The following MGAT4C variants were observed in gnomAD, a reference collection of about 807,000 sequenced individuals.
The protein encoded by MGAT4C is alpha-1,3-mannosyl-glycoprotein 4-beta-N-acetylglucosaminyltransferase C.
In MGAT4C, 19 loss-of-function variants were observed where a neutral mutation model predicts 40.1. The observed-to-expected ratio is 0.47, with a 90% CI of 0.33 to 0.70. The LOEUF (loss-of-function observed/expected upper bound fraction) is 0.70, where lower values mean the gene tolerates loss of function less well. MGAT4C is among the 30% of genes least tolerant of loss of function. MGAT4C has a pLI of 0.02. For synonymous variants in MGAT4C, 181 were observed against 187.1 expected (o/e 0.97, Z 0.27); for missense variants, 491 against 563.2 (o/e 0.87, Z 1.30).
intron 2 of MGAT4C, among the ~76,000 whole-genome samples, chr12:86,715,653 T>C (rs928634364): frequency 6.6e-6 from 1 of 152,182 alleles, no homozygotes; most frequent in Non-Finnish European, 1.5e-5. Flanking sequence ...TTAAGCATTA[T>C]TCTTGTGCTC....
chr12:86,029,347 A>G (rs997840904), intron 2 of MGAT4C, among the ~76,000 whole-genome samples: 1 of 151,928 alleles, frequency 6.6e-6, no homozygotes, highest in Non-Finnish European at 1.5e-5. Context: ...AAAAACTGTA[A>G]CAGAAAGGTT....
intron 1 of MGAT4C, among the ~76,000 whole-genome samples, chr12:86,178,158 G>A (rs572385859): frequency 6.6e-5 from 10 of 152,134 alleles, no homozygotes; most frequent in Middle Eastern, 3.2e-3. Flanking sequence ...GGATGGTCTT[G>A]ATCTCCTGAC....
At chr12:86,724,580 C>A (rs373176337) in intron 2 of MGAT4C, among the ~76,000 whole-genome samples, 7 of 152,098 alleles carry the variant, frequency 4.6e-5, no homozygotes, top group African/African-American at 1.7e-4. Context: ...ACCTGAGCTT[C>A]TACATAATAG....
At chr12:85,998,841 A>C (rs1886951812) in intron 2 of MGAT4C, among the ~76,000 whole-genome samples, 1 of 152,134 alleles carries the variant, frequency 6.6e-6, no homozygotes, top group South Asian at 2.1e-4. Flanking sequence ...AAACTGTTCC[A>C]ACCCCTGCCT....
At chr12:86,062,125 C>A (rs1894044695) in intron 1 of MGAT4C, among the ~76,000 whole-genome samples, 1 of 151,684 alleles carries the variant, frequency 6.6e-6, no homozygotes, top group African/African-American at 2.4e-5. Flanking sequence ...TATAGTAGAG[C>A]TCTGGCTGGC....
intron 2 of MGAT4C, among the ~76,000 whole-genome samples, chr12:86,609,791 G>A (rs1333659915): frequency 5.5e-5 from 8 of 146,280 alleles, no homozygotes; most frequent in African/African-American, 7.5e-5. Context: ...GGCACTACCA[G>A]AAAAAAAAAA....
At chr12:86,586,160 C>A (rs1961030054) in intron 2 of MGAT4C, among the ~76,000 whole-genome samples, 1 of 136,248 alleles carries the variant, frequency 7.3e-6, no homozygotes, top group Non-Finnish European at 1.6e-5. Flanking sequence ...TCCATGTGTT[C>A]TCATTGTTTA....
intron 1 of MGAT4C, among the ~76,000 whole-genome samples, chr12:86,149,475 G>A (rs1246363983): frequency 2.0e-5 from 3 of 152,140 alleles, no homozygotes; most frequent in African/African-American, 7.2e-5. Flanking sequence ...TCTTTTTGAG[G>A]TGAGTTCATT....
chr12:86,332,092 T>C (rs563456859), intron 4 of MGAT4C, among the ~76,000 whole-genome samples: 6 of 152,140 alleles, frequency 3.9e-5, no homozygotes, highest in Non-Finnish European at 8.8e-5. Flanking sequence ...TGCTACTTCA[T>C]GAAATTATCT....
At chr12:86,543,883 T>C (rs916175675) in intron 2 of MGAT4C, among the ~76,000 whole-genome samples, 2 of 152,160 alleles carry the variant, frequency 1.3e-5, no homozygotes, top group Non-Finnish European at 2.9e-5. Context: ...GGCCTGACAG[T>C]CTGGGAGGTC....
chr12:86,500,095 A>C (rs1436484213), intron 2 of MGAT4C, among the ~76,000 whole-genome samples: 1 of 151,918 alleles, frequency 6.6e-6, no homozygotes, highest in Non-Finnish European at 1.5e-5. Flanking sequence ...AATGAAAAAA[A>C]AATTGCTGAA....
At chr12:86,257,840 C>T (rs1952566587), upstream of MGAT4C, among the ~76,000 whole-genome samples, 1 of 152,108 alleles carries the variant, frequency 6.6e-6, no homozygotes, top group African/African-American at 2.4e-5. Flanking sequence ...GATTCATCCT[C>T]CAGTTCTTGC....
At chr12:86,812,786 T>C (rs12368278) in intron 1 of MGAT4C, among the ~76,000 whole-genome samples, 77,720 of 151,896 alleles carry the variant, frequency 0.51, 20,534 homozygotes, top group Middle Eastern at 0.63. Context: ...GTCTCTTTTG[T>C]TGGTTTTGCC....
intron 2 of MGAT4C, among the ~76,000 whole-genome samples, chr12:86,629,466 C>T (rs1962949105): frequency 6.6e-6 from 1 of 152,188 alleles, no homozygotes; most frequent in African/African-American, 2.4e-5. Flanking sequence ...CTCAGCACCA[C>T]ATTGCACTTA....
intron 2 of MGAT4C, among the ~76,000 whole-genome samples, chr12:86,005,826 T>TTTA (rs1887818015): frequency 6.6e-6 from 1 of 152,198 alleles, no homozygotes; most frequent in African/African-American, 2.4e-5. Flanking sequence ...TCAAATCTAA[T>TTTA]GAGACCAGAT....
Position 86,513,024 on chromosome 12 carries a change from C to G in MGAT4C, c.-228-77759G>C, listed in dbSNP as rs138554651. ...GACATTTGCCACATAATGCTACACA[C>G]TAGTTATTTATATTTATTCTTATTT... On this transcript the variant is annotated intron_variant, in intron 2 of 7. Transcript: ENST00000548651. 8.5e-5 allele frequency among the ~76,000 whole-genome samples: 13 copies of G among 152,200 alleles called. No individual in the cohort carries two copies. The East Asian group carries it at 1.5e-3, about 18-fold the overall frequency.
chr12:86,762,037 G>C (rs1056527618), intron 1 of MGAT4C, among the ~76,000 whole-genome samples: 12 of 151,628 alleles, frequency 7.9e-5, no homozygotes, highest in Non-Finnish European at 4.4e-5. Flanking sequence ...TGAAATAATG[G>C]TGAGGGATAG....
intron 4 of MGAT4C, among the ~76,000 whole-genome samples, chr12:86,289,236 T>A (rs1419138484): frequency 6.6e-6 from 1 of 152,096 alleles, no homozygotes; most frequent in Admixed American, 6.5e-5. Flanking sequence ...GCATTATTTC[T>A]GGGCTCTCTA....
At chr12:86,617,220 G>A (rs1178927967) in intron 2 of MGAT4C, among the ~76,000 whole-genome samples, 2 of 152,082 alleles carry the variant, frequency 1.3e-5, no homozygotes, top group Non-Finnish European at 2.9e-5. Context: ...TTTTGTAATA[G>A]TTTCACGTAA....
Sources: gnomAD v4.1 joint callset for allele counts (sites outside exome capture counted in the v4.1 genomes callset) on GRCh38, gnomAD v4.1.1 for gene constraint, MANE v1.5 for transcripts, NCBI Gene and HGNC (gene_info 2026-07-23, HGNC 2026-07-21) for gene names.